Variants in TMEM116 observed in about 807,000 individuals in gnomAD.
The protein encoded by TMEM116 is transmembrane protein 116.
TMEM116 carries 38 observed loss-of-function variants against 44.3 expected under a neutral mutation model. That is an observed-to-expected ratio of 0.86 (90% CI 0.66 to 1.12). TMEM116 has a LOEUF of 1.12. TMEM116 is among the 50% of genes most tolerant of loss of function. The probability of loss-of-function intolerance (pLI) is 0.00; values close to 1 mark genes in which losing one functional copy is unlikely to be tolerated. For synonymous variants in TMEM116, 132 were observed against 144.8 expected, an observed-to-expected ratio of 0.91 and a Z score of 0.64; for missense variants, 354 against 401.7, an observed-to-expected ratio of 0.88 and a Z score of 1.01.
At chr12:111,942,870 C>G (rs753149292) in intron 5 of TMEM116, among the ~76,000 whole-genome samples, 5 of 151,786 alleles carry the variant, frequency 3.3e-5, no homozygotes, top group African/African-American at 7.3e-5. Flanking sequence ...AGTGGGAACA[C>G]GTTTTTTCTT....
intron 4 of TMEM116, among the ~76,000 whole-genome samples, chr12:111,981,621 T>C (rs1347463032): frequency 7.2e-5 from 11 of 152,212 alleles, no homozygotes; most frequent in Middle Eastern, 3.4e-3. Flanking sequence ...GCAAATACAT[T>C]AGCCACAGCC....
intron 4 of TMEM116, among the ~76,000 whole-genome samples, chr12:111,948,622 A>G (rs2073462846): frequency 6.6e-6 from 1 of 152,234 alleles, no homozygotes; most frequent in South Asian, 2.1e-4. Flanking sequence ...TCAAAGCACC[A>G]AAACAAAAAT....
At chr12:112,004,666 T>TC (rs994148320) in intron 2 of TMEM116, among the ~76,000 whole-genome samples, 1 of 151,878 alleles carries the variant, frequency 6.6e-6, no homozygotes, top group Admixed American at 6.6e-5. Context: ...CTTTTTTTTT[T>TC]TTAATTTTTT....
intron 3 of TMEM116, among the ~76,000 whole-genome samples, chr12:112,001,476 C>A (rs2077254475): frequency 1.3e-5 from 2 of 152,134 alleles, no homozygotes; most frequent in Non-Finnish European, 2.9e-5. Flanking sequence ...TACACCTGGA[C>A]CATTTGGCAT....
chr12:111,981,121 C>T (rs943563253), intron 4 of TMEM116, among the ~76,000 whole-genome samples: 4 of 150,908 alleles, frequency 2.7e-5, no homozygotes, highest in Non-Finnish European at 3.0e-5. Context: ...TGCCATTATA[C>T]CTCAATTAAG....
At chr12:112,007,430 T>TA (rs2077643778) in intron 1 of TMEM116, among the ~76,000 whole-genome samples, 1 of 151,772 alleles carries the variant, frequency 6.6e-6, no homozygotes, top group African/African-American at 2.4e-5. Context: ...AATAAATAAA[T>TA]AAAAATAAAA....
intron 3 of TMEM116, among the ~76,000 whole-genome samples, chr12:111,997,896 G>C (rs1246638321): frequency 6.6e-6 from 1 of 152,184 alleles, no homozygotes; most frequent in Non-Finnish European, 1.5e-5. Flanking sequence ...GGGTAAGCTT[G>C]CTAAAATTCC....
chr12:111,987,374 G>A (rs906754018), intron 4 of TMEM116, among the ~76,000 whole-genome samples: 12 of 151,852 alleles, frequency 7.9e-5, no homozygotes, highest in Admixed American at 1.3e-4. Flanking sequence ...GTATGGTGGC[G>A]CACACCTGTA....
In TMEM116 at chr12:111,971,724, C is replaced by T. The variant is rs541267384; in HGVS notation, c.210+20034G>A. On this transcript the variant is annotated intron_variant, in intron 4 of 10. Transcript: ENST00000552374. ...GATTGTCAGACTGGAATAGTAAGAC[C>T]TAACTAAATATTTACCACAAGAAGT... Among the ~76,000 whole-genome samples the T allele has an allele frequency of 4.6e-5, 7 of 151,894 alleles. No homozygotes were observed. In the South Asian group the frequency reaches 1.5e-3, roughly 32 times the overall value.
At chr12:111,979,975 G>A (rs1044718642) in intron 4 of TMEM116, among the ~76,000 whole-genome samples, 1 of 152,194 alleles carries the variant, frequency 6.6e-6, no homozygotes, top group Non-Finnish European at 1.5e-5. Context: ...ATTTATTGCT[G>A]GTGGGAATGA....
intron 4 of TMEM116, among the ~76,000 whole-genome samples, chr12:111,954,184 C>T (rs2073931997): frequency 6.6e-6 from 1 of 152,144 alleles, no homozygotes; most frequent in African/African-American, 2.4e-5. Flanking sequence ...CCCATAGCCA[C>T]TGTAAAATTT....
chr12:111,961,987 T>C (rs2074623066), intron 4 of TMEM116, among the ~76,000 whole-genome samples: 2 of 152,176 alleles, frequency 1.3e-5, no homozygotes, highest in African/African-American at 4.8e-5. Flanking sequence ...GGATACAAAA[T>C]CAATGTGCAA....
At chr12:111,990,177 C>T (rs143245542) in intron 4 of TMEM116, among the ~76,000 whole-genome samples, 1,864 of 151,828 alleles carry the variant, frequency 0.012, 45 homozygotes, top group African/African-American at 0.043. Flanking sequence ...ATGGTGTGAA[C>T]CCGGGAGGTG....
In TMEM116 at chr12:111,932,760, G is replaced by A. The variant is rs182814869; in HGVS notation, c.734-101C>T. 3 of 915,882 alleles carry A rather than the reference G, an allele frequency of 3.3e-6. No individual in the cohort carries two copies. The East Asian group carries it at 7.6e-5, about 23-fold the overall frequency. 56.7% of individuals were successfully genotyped at this position (915,882 alleles called of 1,614,324 possible). A position where few individuals can be genotyped will look rare whatever the true frequency, so the allele number is the denominator to read the frequency against. On this transcript the variant is annotated intron_variant, in intron 9 of 10. Transcript: ENST00000552374. Reference sequence around the variant, plus strand: ...AGCATTATCAGAATGGAAACAATAGGCATAATAAAATCCATCAGTGACGTT... The same window carrying A: ...AGCATTATCAGAATGGAAACAATAGACATAATAAAATCCATCAGTGACGTT...
chr12:111,953,942 T>G (rs940851619), intron 4 of TMEM116, among the ~76,000 whole-genome samples: 1 of 152,190 alleles, frequency 6.6e-6, no homozygotes, highest in African/African-American at 2.4e-5. Flanking sequence ...AGCTCAAGAT[T>G]ATCATAGAAA....
intron 1 of TMEM116, among the ~76,000 whole-genome samples, chr12:112,007,504 T>A (rs2077648987): frequency 6.6e-6 from 1 of 152,118 alleles, no homozygotes; most frequent in Admixed American, 6.6e-5. Flanking sequence ...CCAGACATTG[T>A]TAAATAGAGG....
intron 4 of TMEM116, among the ~76,000 whole-genome samples, chr12:111,987,634 A>G (rs1342396965): frequency 6.6e-6 from 1 of 152,244 alleles, no homozygotes; most frequent in African/African-American, 2.4e-5. Flanking sequence ...AATCAAAAGC[A>G]CAATGAGATA....
intron 4 of TMEM116, among the ~76,000 whole-genome samples, chr12:111,945,468 G>A (rs1356773312): frequency 1.3e-4 from 19 of 151,000 alleles, no homozygotes; most frequent in Admixed American, 1.3e-3. Context: ...AGATACATAA[G>A]CATTCTAAAT....
At position 111,943,268 on chromosome 12, in the gene TMEM116, T is replaced by C; in HGVS notation, c.312A>G (p.Pro104=). The change falls in exon 5 of 11, where the codon CCA becomes CCG. Residue 104 remains proline (P), a synonymous_variant. Transcript: ENST00000552374. ...KHTQSGQSTS[P]LVIDYTCRVC... ...ATCAGCCCTGAATAAAACTTACCAG[T>C]GGAGATGTGCTCTGTCCACTCTGGG... 6.2e-7 allele frequency: 1 copy of C among 1,611,600 alleles called. No homozygotes were observed. The highest frequency in any genetic ancestry group is 8.5e-7 in the Non-Finnish European group (1 of 1,177,792).
Sources: gnomAD v4.1 joint callset for allele counts (sites outside exome capture counted in the v4.1 genomes callset) on GRCh38, gnomAD v4.1.1 for gene constraint, MANE v1.5 for transcripts, NCBI Gene and HGNC (gene_info 2026-07-23, HGNC 2026-07-21) for gene names.